Variants in ALK observed in about 807,000 individuals in gnomAD.
ALK encodes the protein ALK tyrosine kinase receptor.
In ALK, 74 loss-of-function variants were observed where a neutral mutation model predicts 163.1. That is an observed-to-expected ratio of 0.45 (90% CI 0.38 to 0.55). The LOEUF (loss-of-function observed/expected upper bound fraction) is 0.55, where lower values mean the gene tolerates loss of function less well. Ranked by LOEUF, ALK falls within the 20% of genes least tolerant of loss-of-function variation. The pLI, the probability that ALK is intolerant of heterozygous loss-of-function variation, is 0.00. For missense variants in ALK, 2,063 were observed against 2,105.3 expected (o/e 0.98, Z 0.39); for synonymous variants, 960 against 843.2 (o/e 1.14, Z -2.40).
chr2:29,694,419 G>A (rs1037258116), intron 3 of ALK, among the ~76,000 whole-genome samples: 5 of 152,212 alleles, frequency 3.3e-5, no homozygotes, highest in African/African-American at 9.6e-5. Flanking sequence ...CATTTGAATT[G>A]TTTTGTAAAA....
intron 1 of ALK, among the ~76,000 whole-genome samples, chr2:29,734,371 A>C (rs1441738495): frequency 6.6e-6 from 1 of 152,212 alleles, no homozygotes; most frequent in Non-Finnish European, 1.5e-5. Context: ...AAAAAAGATA[A>C]AGCTCGGGGA....
chr2:29,801,373 C>A (rs1373828785), intron 1 of ALK, among the ~76,000 whole-genome samples: 1 of 151,972 alleles, frequency 6.6e-6, no homozygotes, highest in Non-Finnish European at 1.5e-5. Flanking sequence ...ATTAAAAAAA[C>A]AAACAAACAA....
chr2:29,678,875 G>T (rs968353534), intron 3 of ALK, among the ~76,000 whole-genome samples: 1 of 151,730 alleles, frequency 6.6e-6, no homozygotes, highest in African/African-American at 2.4e-5. Flanking sequence ...AGGTGGAAAG[G>T]TGTTTATTTG....
chr2:29,824,923 T>A (rs1341969728), intron 1 of ALK, among the ~76,000 whole-genome samples: 1 of 152,204 alleles, frequency 6.6e-6, no homozygotes, highest in African/African-American at 2.4e-5. Flanking sequence ...ATGGTTTGGC[T>A]ATGTTCCCAC....
chr2:29,315,208 CAG>C lies in ALK; in HGVS notation c.1647+3094_1647+3095del, dbSNP rs1294949850. Among the ~76,000 whole-genome samples, 6 of 151,540 alleles carry C rather than the reference CAG, an allele frequency of 4.0e-5. No individual in the cohort carries two copies. The East Asian group carries it at 1.2e-3, about 29-fold the overall frequency. ...TATTCATGCCCCGTGTGTAACTGTG[CAG>C]AGAGATAGGAGGCAGCCGTGGTAGT... is the stretch of plus-strand genomic sequence containing the variant. On this transcript the variant is annotated intron_variant, in intron 8 of 28. Coordinates refer to ENST00000389048, the MANE Select transcript of ALK (RefSeq NM_004304.5).
At chr2:29,689,296 A>G (rs187725130) in intron 3 of ALK, among the ~76,000 whole-genome samples, 1 of 152,352 alleles carries the variant, frequency 6.6e-6, no homozygotes, top group East Asian at 1.9e-4. Flanking sequence ...ACTCAGAGTC[A>G]GCTCAGCCAC....
At chr2:29,295,845 C>T (rs1458647004) in intron 9 of ALK, among the ~76,000 whole-genome samples, 5 of 152,080 alleles carry the variant, frequency 3.3e-5, no homozygotes, top group African/African-American at 1.2e-4. Context: ...TAAGGGTTGA[C>T]TTTTAGCCCA....
chr2:29,543,717 T>C (rs1342313039), intron 3 of ALK, among the ~76,000 whole-genome samples: 1 of 152,240 alleles, frequency 6.6e-6, no homozygotes, highest in African/African-American at 2.4e-5. Flanking sequence ...TCCTCTATTC[T>C]AAACCTTTTT....
chr2:29,678,403 CTT>C (rs1677957241), intron 3 of ALK, among the ~76,000 whole-genome samples: 1 of 151,454 alleles, frequency 6.6e-6, no homozygotes, highest in Non-Finnish European at 1.5e-5. Context: ...AGATTTGAGA[CTT>C]TACTCTTTTT....
At chr2:29,628,914 C>A (rs2148235285) in intron 3 of ALK, among the ~76,000 whole-genome samples, 1 of 152,270 alleles carries the variant, frequency 6.6e-6, no homozygotes, top group African/African-American at 2.4e-5. Flanking sequence ...GGAGCACACT[C>A]AAAACTGAGA....
chr2:29,295,460 A>G (rs202052669), intron 9 of ALK, among the ~76,000 whole-genome samples: 1 of 152,150 alleles, frequency 6.6e-6, no homozygotes, highest in Admixed American at 6.5e-5. Context: ...AGACTAAACT[A>G]TAGTGGGCAG....
At chr2:29,888,296 A>G (rs575305894) in intron 1 of ALK, among the ~76,000 whole-genome samples, 1 of 149,766 alleles carries the variant, frequency 6.7e-6, no homozygotes, top group Admixed American at 6.7e-5. Context: ...GCTAATGATC[A>G]ATGATCACAA....
intron 2 of ALK, among the ~76,000 whole-genome samples, chr2:29,703,975 G>T (rs1200602589): frequency 6.6e-6 from 1 of 152,142 alleles, no homozygotes; most frequent in Non-Finnish European, 1.5e-5. Context: ...GAGCTGGTCA[G>T]ACGTACTGAA....
At chr2:29,538,011 C>T (rs549810225) in intron 3 of ALK, among the ~76,000 whole-genome samples, 25 of 152,310 alleles carry the variant, frequency 1.6e-4, no homozygotes, top group African/African-American at 6.0e-4. Flanking sequence ...ATGCCTGTAC[C>T]ACCATCGTAT....
At chr2:29,528,789 T>G (rs1461135867) in intron 4 of ALK, among the ~76,000 whole-genome samples, 1 of 152,138 alleles carries the variant, frequency 6.6e-6, no homozygotes, top group African/African-American at 2.4e-5. Flanking sequence ...CATGGGGACT[T>G]TATGGCCACT....
chr2:29,406,898 CAA>C (rs11397203), intron 4 of ALK, among the ~76,000 whole-genome samples: 6 of 133,480 alleles, frequency 4.5e-5, no homozygotes, highest in Admixed American at 7.5e-5. Flanking sequence ...GACTCCATCT[CAA>C]AAAAAAAAAA....
chr2:29,895,651 C>G (rs575130702), intron 1 of ALK, among the ~76,000 whole-genome samples: 5 of 152,314 alleles, frequency 3.3e-5, no homozygotes, highest in Admixed American at 3.3e-4. Context: ...TTATTTTATT[C>G]CTTCTAGATG....
intron 3 of ALK, among the ~76,000 whole-genome samples, chr2:29,542,141 A>G (rs929012398): frequency 6.6e-6 from 1 of 152,140 alleles, no homozygotes; most frequent in African/African-American, 2.4e-5. Flanking sequence ...TAATTTTTCC[A>G]TGAACCTTCA....
At chr2:29,510,272 C>G (rs1573414891) in intron 4 of ALK, among the ~76,000 whole-genome samples, 1 of 152,162 alleles carries the variant, frequency 6.6e-6, no homozygotes, top group East Asian at 1.9e-4. Context: ...AATTGGCATT[C>G]TTAAGTCCCC....
Sources: gnomAD v4.1 joint callset for allele counts (sites outside exome capture counted in the v4.1 genomes callset) on GRCh38, gnomAD v4.1.1 for gene constraint, MANE v1.5 for transcripts, NCBI Gene and HGNC (gene_info 2026-07-23, HGNC 2026-07-21) for gene names.